USP47: variants seen among roughly 807,000 people sequenced by gnomAD.
USP47 encodes the protein ubiquitin specific peptidase 47, also known as ubiquitin carboxyl-terminal hydrolase 47.
In USP47, 35 loss-of-function variants were observed where a neutral mutation model predicts 165.1. The ratio of observed to expected loss-of-function variants is 0.21; its 90% CI spans 0.16 to 0.28. The LOEUF (loss-of-function observed/expected upper bound fraction) is 0.28, where lower values mean the gene tolerates loss of function less well. Among genes scored for constraint, USP47 ranks in the 10% least tolerant of loss-of-function variants. The pLI is 1.00. For synonymous variants in USP47, 531 were observed against 544.5 expected (o/e 0.98, Z 0.35); for missense variants, 1,277 against 1,607.4 (o/e 0.79, Z 3.52).
intron 1 of USP47, among the ~76,000 whole-genome samples, chr11:11,844,055 G>A (rs765178805): frequency 1.3e-5 from 2 of 151,776 alleles, no homozygotes; most frequent in African/African-American, 2.4e-5. Context: ...TTCTTTGATG[G>A]CCACACTCAT....
chr11:11,902,612 C>A, intron 5 of USP47, 103 bp from the exon 6 acceptor site: 2 of 859,188 alleles, frequency 2.3e-6, no homozygotes, highest in Non-Finnish European at 3.2e-6. Context: ...CTCTGTATAG[C>A]TTCCAGGATT....
chr11:11,911,558 A>G lies in USP47; in HGVS notation c.969+6010A>G, dbSNP rs991342625. Among the ~76,000 whole-genome samples the G allele has an allele frequency of 2.6e-5, 4 of 152,332 alleles. No homozygotes were observed. The East Asian group carries it at 7.7e-4, about 29-fold the overall frequency. ...AAAAGTGTCAAACAACCGAGAAGAC[A>G]ACAATCCTAAATGTGTATGCAGAAA... On this transcript the variant is annotated intron_variant, in intron 8 of 27. Coordinates refer to ENST00000527733, the MANE Select transcript of USP47 (RefSeq NM_001282659.2).
chr11:11,891,921 C>A, intron 3 of USP47, 47 bp from the exon 4 acceptor site: 1 of 1,580,004 alleles, frequency 6.3e-7, no homozygotes, highest in Non-Finnish European at 8.6e-7. Context: ...GCTGTTGTTT[C>A]AGCAACATTT....
At chr11:11,897,301 AAC>A (rs1300128755) in intron 4 of USP47, among the ~76,000 whole-genome samples, 1 of 152,008 alleles carries the variant, frequency 6.6e-6, no homozygotes, top group Non-Finnish European at 1.5e-5. Context: ...CTATGCCAGT[AAC>A]ACATACTTTA....
rs752644195 is a variant in USP47, at chr11:11,929,890, G to T, written c.1519-154G>T. On this transcript the variant is annotated intron_variant, in intron 12 of 27. Transcript: ENST00000527733. Reference sequence around the variant, plus strand: ...ACTGGCTGGCTGGTAAGCAGCCACTGATTATGATTAAATTTTGTGAATTGG... The same window carrying T: ...ACTGGCTGGCTGGTAAGCAGCCACTTATTATGATTAAATTTTGTGAATTGG... Among the ~76,000 whole-genome samples, 98 of 152,104 alleles carry T rather than the reference G, an allele frequency of 6.4e-4. 1 individual carries two copies. Among genetic ancestry groups the T allele is most frequent in the Non-Finnish European group, 1.3e-3 (89 of 68,012 alleles).
chr11:11,866,746 T>A (rs1024122099), intron 1 of USP47, among the ~76,000 whole-genome samples: 8 of 152,212 alleles, frequency 5.3e-5, no homozygotes, highest in African/African-American at 1.9e-4. Context: ...CATTCTGGGA[T>A]AACAGTTATT....
Position 11,959,223 on chromosome 11 carries a change from A to C in USP47, c.*3048A>C, listed in dbSNP as rs938315892. The stretch of plus-strand genomic sequence containing the variant: ...CTGGATTTTATTTTGTTCAGCGTCA[A>C]GGCCCTAATTTTGCAAATGTAGTCT... On this transcript the variant is annotated 3_prime_UTR_variant, in exon 28 of 28. Coordinates refer to ENST00000527733, the MANE Select transcript of USP47 (RefSeq NM_001282659.2). 1 of 152,226 alleles carries C rather than the reference A, an allele frequency of 6.6e-6. No individual in the cohort carries two copies. Among genetic ancestry groups the C allele is most frequent in the African/African-American group, 2.4e-5 (1 of 41,460 alleles). 9.4% of individuals were successfully genotyped at this position (152,226 alleles called of 1,614,324 possible).
In USP47 at chr11:11,894,982, A is replaced by C. The variant is rs1272308392; in HGVS notation, c.497-2615A>C. On this transcript the variant is annotated intron_variant, in intron 4 of 27. Coordinates refer to ENST00000527733, the MANE Select transcript of USP47 (RefSeq NM_001282659.2). The stretch of plus-strand genomic sequence containing the variant: ...TTTTAATTAATGTTTTTCACTTAAT[A>C]CTATATGAGGAGTATTTTTTAATGT... Among the ~76,000 whole-genome samples, 11 of 152,274 alleles carry C rather than the reference A, an allele frequency of 7.2e-5. No individual in the cohort carries two copies. The East Asian group carries it at 2.1e-3, about 29-fold the overall frequency.
chr11:11,931,539 G>A (rs373190313), intron 14 of USP47, among the ~76,000 whole-genome samples: 2 of 152,150 alleles, frequency 1.3e-5, no homozygotes, highest in East Asian at 3.8e-4. Context: ...TAGCTATCTG[G>A]AAGCAGAGCC....
chr11:11,946,774 C>T (rs935782266), intron 20 of USP47, among the ~76,000 whole-genome samples: 1 of 152,142 alleles, frequency 6.6e-6, no homozygotes, highest in African/African-American at 2.4e-5. Context: ...GAAATGCTGC[C>T]TCAAAACTCA....
At chr11:11,843,205 T>A (rs770047052) in intron 1 of USP47, among the ~76,000 whole-genome samples, 1 of 152,238 alleles carries the variant, frequency 6.6e-6, no homozygotes, top group Non-Finnish European at 1.5e-5. Context: ...TTTTTGTGCC[T>A]GTTTTACTTG....
At position 11,954,913 on chromosome 11, in the gene USP47, G is replaced by A; in HGVS notation, c.3731G>A (p.Gly1244Glu). 2 of 1,613,638 alleles carry A rather than the reference G, an allele frequency of 1.2e-6. No homozygotes were observed. The highest frequency in any genetic ancestry group is 1.7e-6 in the Non-Finnish European group (2 of 1,179,862). Residue 1244 changes from glycine (G) to glutamate (E), a missense_variant, in exon 26 of 28, where the codon GGG (glycine) becomes GAG (glutamate). Around this residue, in one of 4 missense-constraint regions of USP47, gnomAD observed 909 missense variants for 1,068.1 expected, o/e 0.85. Coordinates refer to ENST00000527733, the MANE Select transcript of USP47 (RefSeq NM_001282659.2). ...ELREKLSEIS[G>E]IPLDDIEFAK... Reference sequence around the variant, plus strand: ...ATTTTACAGCTTAGTGAAATCAGTGGGATTCCTTTGGATGATATTGAATTT... The same window carrying A: ...ATTTTACAGCTTAGTGAAATCAGTGAGATTCCTTTGGATGATATTGAATTT...
intron 1 of USP47, among the ~76,000 whole-genome samples, chr11:11,877,633 A>G (rs1850521583): frequency 6.6e-6 from 1 of 152,224 alleles, no homozygotes; most frequent in Non-Finnish European, 1.5e-5. Context: ...ACTAACAAAT[A>G]CTACTTAGCT....
intron 25 of USP47, among the ~76,000 whole-genome samples, chr11:11,954,674 G>T (rs1311008680): frequency 6.6e-6 from 1 of 152,140 alleles, no homozygotes; most frequent in Non-Finnish European, 1.5e-5. Flanking sequence ...AGAAACGTGG[G>T]TGTAGTTTGT....
rs146251523 is a variant in USP47, at chr11:11,933,741, C to A, written c.1765-90C>A. The A allele has an allele frequency of 2.0e-3, 1,653 of 844,702 alleles. 28 individuals carry two copies. The African/African-American group carries it at 0.026, about 13-fold the overall frequency. 52.3% of individuals were successfully genotyped at this position (844,702 alleles called of 1,614,324 possible). On this transcript the variant is annotated intron_variant, in intron 15 of 27. Coordinates refer to ENST00000527733, the MANE Select transcript of USP47 (RefSeq NM_001282659.2). ...TCAATTATGTTCTTTTAAAAAATTG[C>A]AGTATTTTGACAATTAGGAATAAAT...
At chr11:11,886,608 G>A (rs1851179002) in intron 3 of USP47, among the ~76,000 whole-genome samples, 2 of 152,044 alleles carry the variant, frequency 1.3e-5, no homozygotes, top group African/African-American at 2.4e-5. Context: ...GAGACCAAAC[G>A]TACAACTGAT....
intron 3 of USP47, among the ~76,000 whole-genome samples, chr11:11,887,850 A>G (rs552897270): frequency 6.6e-6 from 1 of 152,344 alleles, no homozygotes; most frequent in African/African-American, 2.4e-5. Context: ...AGCAAATGCA[A>G]AAGAACTGAA....
chr11:11,887,667 C>T (rs921362075), intron 3 of USP47, among the ~76,000 whole-genome samples: 1 of 152,046 alleles, frequency 6.6e-6, no homozygotes, highest in Non-Finnish European at 1.5e-5. Context: ...GACAGATCAT[C>T]GAAACAGAAA....
chr11:11,874,207 A>T (rs985308814), intron 1 of USP47, among the ~76,000 whole-genome samples: 1 of 152,196 alleles, frequency 6.6e-6, no homozygotes, highest in African/African-American at 2.4e-5. Flanking sequence ...AAAATCCAGA[A>T]ATCCTATTAC....
Sources: gnomAD v4.1 joint callset for allele counts (sites outside exome capture counted in the v4.1 genomes callset) on GRCh38, gnomAD v4.1.1 for gene constraint, gnomAD v4.1.1 regional missense constraint, MANE v1.5 for transcripts, NCBI Gene and HGNC (gene_info 2026-07-23, HGNC 2026-07-21) for gene names.